The following PPP1R9A variants were observed in gnomAD, a reference collection of about 807,000 sequenced individuals.
The protein encoded by PPP1R9A is neurabin-1.
PPP1R9A carries 59 observed loss-of-function variants against 141.9 expected under a neutral mutation model. That is an observed-to-expected ratio of 0.42 (90% CI 0.34 to 0.52). The LOEUF (loss-of-function observed/expected upper bound fraction) is 0.52. Among genes scored for constraint, PPP1R9A ranks in the 20% least tolerant of loss-of-function variants. The pLI, the probability that PPP1R9A is intolerant of heterozygous loss-of-function variation, is 0.10. For synonymous variants in PPP1R9A, 500 were observed against 569.7 expected (o/e 0.88, Z 1.74); for missense variants, 1,444 against 1,611.9 (o/e 0.90, Z 1.78).
rs528656384 is a variant in PPP1R9A, at chr7:95,022,816, T to C, written c.1396-88443T>C. Among the ~76,000 whole-genome samples the C allele has an allele frequency of 5.1e-3, 783 of 152,278 alleles. 8 individuals carry two copies. The highest frequency in any genetic ancestry group is 0.017 in the African/African-American group (725 of 41,558). On this transcript the variant is annotated intron_variant, in intron 2 of 19. Transcript: ENST00000433360. ...GTGTATGTTGAACCAGACTTGCATC[T>C]CAGGGATGAAGCCAACTTGATCGTG...
chr7:95,151,230 A>G (rs548579481), intron 4 of PPP1R9A, among the ~76,000 whole-genome samples: 3 of 152,234 alleles, frequency 2.0e-5, no homozygotes, highest in East Asian at 1.9e-4. Flanking sequence ...AGCCACCAGG[A>G]TGTCCTACAC....
chr7:95,044,715 A>AATAT (rs113738865), intron 2 of PPP1R9A, among the ~76,000 whole-genome samples: 1 of 142,350 alleles, frequency 7.0e-6, no homozygotes, highest in East Asian at 2.0e-4. Flanking sequence ...CAGCTAATTA[A>AATAT]ATATATATAT....
intron 8 of PPP1R9A, among the ~76,000 whole-genome samples, chr7:95,246,045 A>C (rs892677787): frequency 6.6e-6 from 1 of 152,184 alleles, no homozygotes; most frequent in Non-Finnish European, 1.5e-5. Context: ...TGCCTTTTGC[A>C]TAACAGGAGG....
At chr7:95,003,680 A>G (rs12674154) in intron 2 of PPP1R9A, among the ~76,000 whole-genome samples, 13,586 of 152,206 alleles carry the variant, frequency 0.089, 673 homozygotes, top group East Asian at 0.15. Flanking sequence ...TACTCTTTAC[A>G]ATCACCTGGG....
At chr7:95,017,382 G>T (rs1002708359) in intron 2 of PPP1R9A, among the ~76,000 whole-genome samples, 4 of 152,270 alleles carry the variant, frequency 2.6e-5, no homozygotes, top group East Asian at 3.9e-4. Context: ...GAACTAGTAA[G>T]TGAATCTTCA....
chr7:94,991,969 T>C (rs1161236263), intron 2 of PPP1R9A, among the ~76,000 whole-genome samples: 1 of 152,246 alleles, frequency 6.6e-6, no homozygotes, highest in Non-Finnish European at 1.5e-5. Context: ...ACCACTCTTA[T>C]TCAAAGTTTC....
intron 2 of PPP1R9A, among the ~76,000 whole-genome samples, chr7:94,918,891 T>C (rs1792419479): frequency 1.3e-5 from 2 of 152,168 alleles, no homozygotes; most frequent in South Asian, 2.1e-4. Flanking sequence ...AAAAGTTAAG[T>C]GGCATGATGT....
chr7:95,195,533 C>G (rs1585187389), intron 5 of PPP1R9A, among the ~76,000 whole-genome samples: 1 of 151,508 alleles, frequency 6.6e-6, no homozygotes, highest in Non-Finnish European at 1.5e-5. Flanking sequence ...CCACCTTGGC[C>G]TCCCGAAGTG....
At chr7:95,155,688 A>G (rs1287664244) in intron 4 of PPP1R9A, 1 of 152,210 alleles carries the variant, frequency 6.6e-6, no homozygotes, top group African/African-American at 2.4e-5. Context: ...AAAAGAAAAT[A>G]TATCAAATAT....
At chr7:95,008,569 A>T (rs1195478752) in intron 2 of PPP1R9A, among the ~76,000 whole-genome samples, 1 of 152,150 alleles carries the variant, frequency 6.6e-6, no homozygotes, top group Non-Finnish European at 1.5e-5. Flanking sequence ...TTCTTTCAGG[A>T]ACATGAAGCT....
At chr7:94,996,799 GTTTTTTTT>G (rs34164253) in intron 2 of PPP1R9A, among the ~76,000 whole-genome samples, 3 of 111,648 alleles carry the variant, frequency 2.7e-5, no homozygotes, top group East Asian at 5.0e-4. Flanking sequence ...GATACTCTGT[GTTTTTTTT>G]TTTTTTTTTT....
At chr7:95,143,778 A>G (rs1827116321) in intron 4 of PPP1R9A, among the ~76,000 whole-genome samples, 1 of 152,126 alleles carries the variant, frequency 6.6e-6, no homozygotes, top group South Asian at 2.1e-4. Context: ...GTCTGGTCAC[A>G]TGAATTAGCT....
intron 4 of PPP1R9A, among the ~76,000 whole-genome samples, chr7:95,125,232 C>A (rs1823356536): frequency 6.6e-6 from 1 of 152,146 alleles, no homozygotes; most frequent in South Asian, 2.1e-4. Context: ...CTCCCCACCT[C>A]AGCCTCCCAA....
chr7:95,052,185 A>C (rs1372548637), intron 2 of PPP1R9A, among the ~76,000 whole-genome samples: 1 of 152,184 alleles, frequency 6.6e-6, no homozygotes, highest in Non-Finnish European at 1.5e-5. Flanking sequence ...TAAGGAAATA[A>C]TAAACAGTCA....
rs148625618 is a variant in PPP1R9A at position 95,290,709 on chromosome 7, C to G, written c.*406C>G. ...GTGGGATCCTGAAATGGCAATTGCA[C>G]ATGTCTGCATGGCAGAGAGCACCCT... On this transcript the variant is annotated 3_prime_UTR_variant, in exon 20 of 20. Transcript: ENST00000433360. The G allele has an allele frequency of 6.4e-3, 1,284 of 201,948 alleles. 15 individuals carry two copies. Among genetic ancestry groups the G allele is most frequent in the African/African-American group, 0.028 (1,214 of 43,274 alleles). The allele number at this position is 201,948 out of a possible 1,614,324, so 12.5% of individuals were successfully genotyped here.
intron 19 of PPP1R9A, among the ~76,000 whole-genome samples, 179 bp downstream of exon 19, chr7:95,288,897 A>G (rs1805854091): frequency 6.6e-6 from 1 of 152,200 alleles, no homozygotes; most frequent in African/African-American, 2.4e-5. Context: ...AAAGTCCATC[A>G]GGGGTTCCAA....
chr7:94,920,366 ATTT>A (rs66814698), intron 2 of PPP1R9A, among the ~76,000 whole-genome samples: 2 of 149,010 alleles, frequency 1.3e-5, no homozygotes. Context: ...AATATTGATA[ATTT>A]TTTTTTTTTT....
Position 95,295,194 on chromosome 7 carries a change from G to A in PPP1R9A, c.*4891G>A, listed in dbSNP as rs571559536. ...ACTTGGCGAGGTCAGTCAGGACCTG[G>A]AGCTGTAATCATAGCCTTATTGCCA... is the stretch of plus-strand genomic sequence containing the variant. On this transcript the variant is annotated 3_prime_UTR_variant, in exon 20 of 20. Transcript: ENST00000433360. 2.0e-5 allele frequency: 3 copies of A among 152,734 alleles called. No homozygotes were observed. The highest frequency in any genetic ancestry group is 4.4e-5 in the Non-Finnish European group (3 of 68,028). 9.5% of individuals were successfully genotyped at this position (152,734 alleles called of 1,614,324 possible). A position where few individuals can be genotyped will look rare whatever the true frequency, so the allele number is the denominator to read the frequency against.
chr7:95,183,732 C>CTGTG (rs1834222144), intron 5 of PPP1R9A, among the ~76,000 whole-genome samples: 1 of 151,972 alleles, frequency 6.6e-6, no homozygotes, highest in Non-Finnish European at 1.5e-5. Flanking sequence ...CAGGCGTGAG[C>CTGTG]CACAGCGCCC....
Sources: gnomAD v4.1 joint callset for allele counts (sites outside exome capture counted in the v4.1 genomes callset) on GRCh38, gnomAD v4.1.1 for gene constraint, MANE v1.5 for transcripts, NCBI Gene and HGNC (gene_info 2026-07-23, HGNC 2026-07-21) for gene names.